The following ATRNL1 variants were observed in gnomAD, a reference collection of about 807,000 sequenced individuals.
ATRNL1 encodes the protein attractin like 1, also known as attractin-like protein 1.
Under a neutral mutation model 182.7 loss-of-function variants are expected in ATRNL1, and 95 were observed. The ratio of observed to expected loss-of-function variants is 0.52; its 90% CI spans 0.44 to 0.62. The LOEUF is 0.62. Ranked by LOEUF, ATRNL1 falls within the 20% of genes least tolerant of loss-of-function variation. The pLI, the probability that ATRNL1 is intolerant of heterozygous loss-of-function variation, is 0.00. For missense variants in ATRNL1, 1,471 were observed against 1,679.5 expected (o/e 0.88, Z 2.17); for synonymous variants, 576 against 568.3 (o/e 1.01, Z -0.19).
intron 27 of ATRNL1, among the ~76,000 whole-genome samples, chr10:115,742,397 C>A (rs1407528229): frequency 2.0e-5 from 3 of 151,938 alleles, no homozygotes; most frequent in African/African-American, 7.2e-5. Context: ...ACATTTTGAG[C>A]CTTTCTATTT....
At chr10:115,630,090 A>G (rs568289820) in intron 26 of ATRNL1, among the ~76,000 whole-genome samples, 27 of 152,294 alleles carry the variant, frequency 1.8e-4, no homozygotes, top group Non-Finnish European at 2.5e-4. Context: ...TATCCAAAAT[A>G]TCTTTACCAA....
chr10:115,686,943 G>A (rs559885472), intron 26 of ATRNL1, among the ~76,000 whole-genome samples: 2 of 152,116 alleles, frequency 1.3e-5, no homozygotes, highest in African/African-American at 4.8e-5. Context: ...TTGGAGATAA[G>A]TATACAGCCA....
intron 9 of ATRNL1, among the ~76,000 whole-genome samples, chr10:115,235,505 C>CT (rs1850143517): frequency 6.6e-6 from 1 of 152,014 alleles, no homozygotes; most frequent in African/African-American, 2.4e-5. Context: ...TGTGTGGCTT[C>CT]TTTCACTTAT....
chr10:115,696,229 A>T (rs1307293881), intron 26 of ATRNL1, among the ~76,000 whole-genome samples: 2 of 152,208 alleles, frequency 1.3e-5, no homozygotes, highest in African/African-American at 4.8e-5. Context: ...TCTAGCATTG[A>T]TGCTCATTTA....
intron 26 of ATRNL1, among the ~76,000 whole-genome samples, chr10:115,560,368 C>T (rs1565166048): frequency 6.6e-6 from 1 of 152,132 alleles, no homozygotes; most frequent in East Asian, 1.9e-4. Flanking sequence ...ATGGGAGAGA[C>T]CCTCCCCATG....
chr10:115,642,736 C>T (rs782548551), intron 26 of ATRNL1, among the ~76,000 whole-genome samples: 7 of 152,124 alleles, frequency 4.6e-5, no homozygotes, highest in East Asian at 1.9e-4. Context: ...TGAACCACTG[C>T]GCCTGGCCAA....
intron 9 of ATRNL1, among the ~76,000 whole-genome samples, chr10:115,230,726 T>C (rs1554899745): frequency 1.3e-5 from 2 of 152,086 alleles, no homozygotes; most frequent in Admixed American, 6.6e-5. Context: ...TAGGAGGCTA[T>C]TTTAATGATC....
At chr10:115,574,117 A>G (rs1398461623) in intron 26 of ATRNL1, among the ~76,000 whole-genome samples, 1 of 151,962 alleles carries the variant, frequency 6.6e-6, no homozygotes, top group African/African-American at 2.4e-5. Context: ...GATAAAAAGC[A>G]AACTAGCAAA....
chr10:115,889,009 A>C (rs1195510845), intron 28 of ATRNL1, among the ~76,000 whole-genome samples: 2 of 152,228 alleles, frequency 1.3e-5, no homozygotes, highest in Non-Finnish European at 2.9e-5. Context: ...ATGAGTGAAA[A>C]CTAGTCATCT....
intron 19 of ATRNL1, among the ~76,000 whole-genome samples, chr10:115,387,064 A>G (rs1033874977): frequency 1.3e-5 from 2 of 149,778 alleles, no homozygotes; most frequent in Non-Finnish European, 3.0e-5. Context: ...TGGCACATAT[A>G]CACCATGGAA....
intron 8 of ATRNL1, among the ~76,000 whole-genome samples, chr10:115,209,014 A>G (rs1404950640): frequency 6.6e-6 from 1 of 151,834 alleles, no homozygotes; most frequent in Non-Finnish European, 1.5e-5. Context: ...ATACTACGGA[A>G]GCAAAAACTA....
intron 25 of ATRNL1, among the ~76,000 whole-genome samples, chr10:115,527,397 A>C (rs897637534): frequency 6.6e-6 from 1 of 152,152 alleles, no homozygotes; most frequent in Non-Finnish European, 1.5e-5. Context: ...CTGAGATTAC[A>C]GGCATGAGCC....
At chr10:115,881,669 G>A (rs1951830027) in intron 28 of ATRNL1, among the ~76,000 whole-genome samples, 2 of 152,028 alleles carry the variant, frequency 1.3e-5, no homozygotes, top group South Asian at 4.2e-4. Context: ...GGTACTTTAG[G>A]TCTCTTTTAC....
At chr10:115,818,590 A>T (rs1312174045) in intron 27 of ATRNL1, among the ~76,000 whole-genome samples, 1 of 152,142 alleles carries the variant, frequency 6.6e-6, no homozygotes, top group African/African-American at 2.4e-5. Flanking sequence ...TCTAGAAATT[A>T]TGTTGGCTGT....
At chr10:115,728,661 G>A (rs1238533182) in intron 27 of ATRNL1, among the ~76,000 whole-genome samples, 2 of 151,998 alleles carry the variant, frequency 1.3e-5, no homozygotes, top group Non-Finnish European at 2.9e-5. Context: ...CACAACTCAT[G>A]GATGCTACTC....
At chr10:115,301,627 A>G (rs1564892692) in intron 16 of ATRNL1, among the ~76,000 whole-genome samples, 1 of 152,208 alleles carries the variant, frequency 6.6e-6, no homozygotes, top group Non-Finnish European at 1.5e-5. Flanking sequence ...ACAACTTTAT[A>G]TACTTTGTAA....
chr10:115,780,541 A>G (rs1240034639), intron 27 of ATRNL1, among the ~76,000 whole-genome samples: 2 of 152,094 alleles, frequency 1.3e-5, no homozygotes, highest in African/African-American at 4.8e-5. Context: ...CATGGCAACA[A>G]AAGTGACTCC....
intron 9 of ATRNL1, among the ~76,000 whole-genome samples, chr10:115,236,891 A>C (rs191493490): frequency 6.6e-6 from 1 of 152,278 alleles, no homozygotes; most frequent in Non-Finnish European, 1.5e-5. Flanking sequence ...ATAACCTGTG[A>C]TCCTCTTGCT....
intron 28 of ATRNL1, among the ~76,000 whole-genome samples, chr10:115,887,004 C>T (rs1472772780): frequency 6.6e-6 from 1 of 152,132 alleles, no homozygotes; most frequent in African/African-American, 2.4e-5. Flanking sequence ...TACATTCGTT[C>T]TAGTTTGCCA....
Sources: gnomAD v4.1 joint callset for allele counts (sites outside exome capture counted in the v4.1 genomes callset) on GRCh38, gnomAD v4.1.1 for gene constraint, MANE v1.5 for transcripts, NCBI Gene and HGNC (gene_info 2026-07-23, HGNC 2026-07-21) for gene names.